Variants in UBE3D observed in about 807,000 individuals in gnomAD.
The protein encoded by UBE3D is ubiquitin protein ligase E3D.
UBE3D carries 48 observed loss-of-function variants against 49.6 expected under a neutral mutation model. The ratio of observed to expected loss-of-function variants is 0.97; its 90% CI spans 0.77 to 1.23. The LOEUF (loss-of-function observed/expected upper bound fraction) is 1.23. Ranked by LOEUF, UBE3D falls within the 50% of genes most tolerant of loss-of-function variation. The probability of loss-of-function intolerance (pLI) is 0.00; values close to 1 mark genes in which losing one functional copy is unlikely to be tolerated. For missense variants in UBE3D, 452 were observed against 468.4 expected (o/e 0.96, Z 0.32); for synonymous variants, 189 against 174.2 (o/e 1.08, Z -0.67).
chr6:82,908,937 C>G (rs1225077397), intron 9 of UBE3D, among the ~76,000 whole-genome samples: 3 of 152,154 alleles, frequency 2.0e-5, no homozygotes, highest in African/African-American at 7.2e-5. Flanking sequence ...TGAGTCAGTC[C>G]AGGTTTCCCA....
At chr6:82,898,089 C>T (rs1020009233) in intron 9 of UBE3D, among the ~76,000 whole-genome samples, 21 of 152,322 alleles carry the variant, frequency 1.4e-4, no homozygotes, top group Non-Finnish European at 2.4e-4. Context: ...AGCTCATCAT[C>T]ACTGGTCATT....
At chr6:82,917,944 C>T (rs1773043272) in intron 9 of UBE3D, among the ~76,000 whole-genome samples, 1 of 152,162 alleles carries the variant, frequency 6.6e-6, no homozygotes, top group African/African-American at 2.4e-5. Context: ...CCAGCCTGCT[C>T]CTTTCTTAAA....
intron 9 of UBE3D, among the ~76,000 whole-genome samples, chr6:82,909,688 T>A (rs1479883073): frequency 6.6e-6 from 1 of 152,220 alleles, no homozygotes; most frequent in Non-Finnish European, 1.5e-5. Context: ...AAAAACTTCA[T>A]CACTTACTCA....
At chr6:82,997,290 GAAAT>G (rs1779307411) in intron 8 of UBE3D, among the ~76,000 whole-genome samples, 1 of 151,864 alleles carries the variant, frequency 6.6e-6, no homozygotes, top group African/African-American at 2.4e-5. Context: ...ATAGAATGAC[GAAAT>G]AAATCATGAA....
chr6:82,885,651 G>C, the UBE3D span, among the ~76,000 whole-genome samples: 3 of 152,108 alleles, frequency 2.0e-5, no homozygotes, highest in Non-Finnish European at 4.4e-5. Flanking sequence ...AGCTCAAAAA[G>C]CCCTCAAGGG....
chr6:83,029,845 T>C (rs1033920644), intron 5 of UBE3D, among the ~76,000 whole-genome samples: 5 of 152,140 alleles, frequency 3.3e-5, no homozygotes, highest in Non-Finnish European at 7.3e-5. Context: ...TTAGTCTGGC[T>C]CCCTAGCAAG....
intron 2 of UBE3D, among the ~76,000 whole-genome samples, chr6:83,054,599 G>A (rs1210748891): frequency 6.6e-6 from 1 of 151,984 alleles, no homozygotes; most frequent in Admixed American, 6.6e-5. Context: ...CCTCTGCTGT[G>A]TCTCACAATA....
chr6:83,038,987 T>C (rs1782460392), intron 4 of UBE3D, among the ~76,000 whole-genome samples: 1 of 152,178 alleles, frequency 6.6e-6, no homozygotes, highest in Non-Finnish European at 1.5e-5. Flanking sequence ...TCTGTTCATA[T>C]ACTTCCATTT....
chr6:82,924,935 TA>T (rs1460403019), intron 9 of UBE3D: 1 of 152,224 alleles, frequency 6.6e-6, no homozygotes, highest in Non-Finnish European at 1.5e-5. Flanking sequence ...CTGCTGGGCC[TA>T]AATGAGCTCA....
chr6:82,889,839 T>C (rs562142299), downstream of UBE3D, among the ~76,000 whole-genome samples: 1 of 151,926 alleles, frequency 6.6e-6, no homozygotes, highest in African/African-American at 2.4e-5. Flanking sequence ...CTAAAAGTCC[T>C]CACTGAATGA....
rs895240246 is a variant in UBE3D, at chr6:83,056,832, C to T, written c.274+994G>A. Among the ~76,000 whole-genome samples the T allele has an allele frequency of 5.3e-5, 8 of 152,162 alleles. No homozygotes were observed. The East Asian group carries it at 7.7e-4, about 15-fold the overall frequency. On this transcript the variant is annotated intron_variant, in intron 2 of 9. Coordinates refer to ENST00000369747, the MANE Select transcript of UBE3D (RefSeq NM_198920.3). Reference sequence around the variant, plus strand: ...AGGTTTATTACAGATGAGGCAGCAGCGAAGTGTCAGTGTGCAGCTGAAAGA... The same window carrying T: ...AGGTTTATTACAGATGAGGCAGCAGTGAAGTGTCAGTGTGCAGCTGAAAGA...
chr6:82,933,925 T>C (rs757778691), intron 9 of UBE3D, among the ~76,000 whole-genome samples: 2 of 152,192 alleles, frequency 1.3e-5, no homozygotes, highest in African/African-American at 2.4e-5. Flanking sequence ...TAAGGTCTTT[T>C]CATTTCCAAG....
chr6:82,942,065 A>C (rs1775054745), intron 9 of UBE3D, among the ~76,000 whole-genome samples: 1 of 152,152 alleles, frequency 6.6e-6, no homozygotes, highest in Non-Finnish European at 1.5e-5. Flanking sequence ...GGAAGACAGG[A>C]AGATGTGAGA....
intron 9 of UBE3D, among the ~76,000 whole-genome samples, chr6:82,913,081 T>C (rs1772644130): frequency 6.6e-6 from 1 of 152,224 alleles, no homozygotes; most frequent in Non-Finnish European, 1.5e-5. Context: ...AAAAAGAGGC[T>C]TTAGAATCAA....
intron 9 of UBE3D, among the ~76,000 whole-genome samples, chr6:82,929,089 A>T (rs543609915): frequency 6.6e-6 from 1 of 152,336 alleles, no homozygotes; most frequent in Non-Finnish European, 1.5e-5. Flanking sequence ...TAGAAACAAC[A>T]TCATCAAAAT....
intron 8 of UBE3D, among the ~76,000 whole-genome samples, chr6:83,013,985 C>T (rs1019788872): frequency 2.0e-5 from 3 of 152,204 alleles, no homozygotes; most frequent in Non-Finnish European, 4.4e-5. Context: ...ATATTGCTGG[C>T]CTTGCCAGCT....
downstream of UBE3D, among the ~76,000 whole-genome samples, chr6:82,888,392 C>T (rs1770927360): frequency 6.6e-6 from 1 of 151,520 alleles, no homozygotes; most frequent in African/African-American, 2.4e-5. Flanking sequence ...TCATTTTCAC[C>T]TTTTTTCTAA....
chr6:83,025,153 C>T (rs1014888439), intron 5 of UBE3D, among the ~76,000 whole-genome samples: 9 of 152,126 alleles, frequency 5.9e-5, no homozygotes, highest in Non-Finnish European at 1.2e-4. Flanking sequence ...CTAACCACAC[C>T]TACCTTGCCT....
intron 8 of UBE3D, among the ~76,000 whole-genome samples, chr6:82,985,702 A>T (rs1460272532): frequency 6.6e-6 from 1 of 152,076 alleles, no homozygotes; most frequent in Non-Finnish European, 1.5e-5. Flanking sequence ...TTTGAAATGG[A>T]TCCCCGTGTA....
Sources: allele counts gnomAD v4.1 joint callset (sites outside exome capture counted in the v4.1 genomes callset), GRCh38; gene constraint gnomAD v4.1.1; transcripts MANE v1.5; gene names NCBI Gene and HGNC (gene_info 2026-07-23, HGNC 2026-07-21).